The following RAP1GDS1 variants were observed in gnomAD, a reference collection of about 807,000 sequenced individuals.
RAP1GDS1 encodes Rap1 GTPase-GDP dissociation stimulator 1.
Under a neutral mutation model 71.1 loss-of-function variants are expected in RAP1GDS1, and 35 were observed. That is an observed-to-expected ratio of 0.49 (90% CI 0.38 to 0.65). RAP1GDS1 has a LOEUF of 0.65. Ranked by LOEUF, RAP1GDS1 falls within the 30% of genes least tolerant of loss-of-function variation. The pLI is 0.00. For synonymous variants in RAP1GDS1, 229 were observed against 243.1 expected (o/e 0.94, Z 0.54); for missense variants, 663 against 706.1 (o/e 0.94, Z 0.69).
chr4:98,397,807 G>A (rs1000289236), intron 6 of RAP1GDS1, among the ~76,000 whole-genome samples: 4 of 152,076 alleles, frequency 2.6e-5, no homozygotes, highest in African/African-American at 9.7e-5. Context: ...CTTGATGGAG[G>A]ATATGACACT....
chr4:98,262,218 A>G (rs1466757405), intron 1 of RAP1GDS1, among the ~76,000 whole-genome samples: 2 of 152,210 alleles, frequency 1.3e-5, no homozygotes, highest in Non-Finnish European at 2.9e-5. Flanking sequence ...CTGGGTGACT[A>G]CAGTGTGCAA....
At chr4:98,401,766 A>G (rs1745446137) in intron 6 of RAP1GDS1, among the ~76,000 whole-genome samples, 1 of 152,196 alleles carries the variant, frequency 6.6e-6, no homozygotes, top group Non-Finnish European at 1.5e-5. Context: ...ATTTTGTTCT[A>G]TAATTCCTAT....
chr4:98,392,203 TTGAGA>T, intron 6 of RAP1GDS1, 123 bp downstream of exon 6: 1 of 919,594 alleles, frequency 1.1e-6, no homozygotes, highest in East Asian at 2.9e-5. Context: ...TTTGAAGCAT[TTGAGA>T]TATTTCCATC....
chr4:98,406,511 C>G (rs1433634301), intron 7 of RAP1GDS1, among the ~76,000 whole-genome samples: 1 of 151,838 alleles, frequency 6.6e-6, no homozygotes, highest in Non-Finnish European at 1.5e-5. Flanking sequence ...TACATTATCC[C>G]AAAACATACG....
Position 98,404,611 on chromosome 4 carries a change from C to T in RAP1GDS1, c.763+9C>T, listed in dbSNP as rs773691705. The T allele has an allele frequency of 1.9e-6, 3 of 1,595,660 alleles. No individual in the cohort carries two copies. The highest frequency in any genetic ancestry group is 1.8e-5 in the Admixed American group (1 of 55,576). On this transcript the variant is annotated intron_variant, in intron 7 of 14. Transcript: ENST00000408927. ...TCCATTGGCAGAAAATGGTGAGAAA[C>T]TTAAATGCACCTTTGGATTTTTGAT... is the stretch of plus-strand genomic sequence containing the variant.
chr4:98,270,420 G>A (rs964488616), intron 1 of RAP1GDS1, among the ~76,000 whole-genome samples: 2 of 152,098 alleles, frequency 1.3e-5, no homozygotes, highest in African/African-American at 4.8e-5. Flanking sequence ...AAATGGTAAT[G>A]TATACTTGAG....
chr4:98,326,361 A>G (rs985140561), intron 2 of RAP1GDS1, among the ~76,000 whole-genome samples: 2 of 152,132 alleles, frequency 1.3e-5, no homozygotes, highest in Non-Finnish European at 2.9e-5. Flanking sequence ...TCAAATTTCT[A>G]CTTGGTCAGC....
chr4:98,305,750 T>C (rs1336406744), intron 2 of RAP1GDS1, among the ~76,000 whole-genome samples: 1 of 152,200 alleles, frequency 6.6e-6, no homozygotes, highest in Non-Finnish European at 1.5e-5. Flanking sequence ...TAAATCTCCA[T>C]TGGTATTTGT....
intron 4 of RAP1GDS1, among the ~76,000 whole-genome samples, chr4:98,368,802 A>G (rs1739916684): frequency 6.6e-6 from 1 of 152,150 alleles, no homozygotes. Flanking sequence ...CCCTATATTT[A>G]CCTATATAAA....
intron 2 of RAP1GDS1, among the ~76,000 whole-genome samples, chr4:98,310,878 AT>A (rs1372341617): frequency 1.3e-5 from 2 of 152,208 alleles, no homozygotes; most frequent in Non-Finnish European, 2.9e-5. Flanking sequence ...ACCTTTTTAA[AT>A]ATTGCTGCTA....
At chr4:98,365,055 C>T (rs1739280199) in intron 4 of RAP1GDS1, among the ~76,000 whole-genome samples, 1 of 151,960 alleles carries the variant, frequency 6.6e-6, no homozygotes, top group African/African-American at 2.4e-5. Context: ...TGTGAATAAA[C>T]ATTCTTTATT....
intron 6 of RAP1GDS1, among the ~76,000 whole-genome samples, chr4:98,399,783 A>C (rs1745103828): frequency 6.6e-6 from 1 of 152,148 alleles, no homozygotes; most frequent in East Asian, 1.9e-4. Flanking sequence ...AAAGTTAACA[A>C]ATCCTGGTGA....
chr4:98,426,643 C>G (rs1040311647), intron 12 of RAP1GDS1, among the ~76,000 whole-genome samples: 3 of 152,020 alleles, frequency 2.0e-5, no homozygotes, highest in African/African-American at 7.2e-5. Flanking sequence ...TGGAAAAATA[C>G]AACCTTGCTA....
chr4:98,314,514 A>G (rs1047109862), intron 2 of RAP1GDS1, among the ~76,000 whole-genome samples: 2 of 152,152 alleles, frequency 1.3e-5, no homozygotes, highest in East Asian at 1.9e-4. Flanking sequence ...TAGTATTCCC[A>G]TAGCAGTTTA....
At chr4:98,301,073 T>G (rs1022837578) in intron 2 of RAP1GDS1, among the ~76,000 whole-genome samples, 1 of 152,248 alleles carries the variant, frequency 6.6e-6, no homozygotes, top group African/African-American at 2.4e-5. Flanking sequence ...GAAAAATTAT[T>G]ATTTTATTCT....
rs1456520761 is a variant in RAP1GDS1 at position 98,366,281 on chromosome 4, C to T, written c.362-12736C>T. Among the ~76,000 whole-genome samples the T allele has an allele frequency of 4.6e-5, 7 of 152,272 alleles. No individual in the cohort carries two copies. In the East Asian group the frequency reaches 1.2e-3, roughly 25 times the overall value. On this transcript the variant is annotated intron_variant, in intron 4 of 14. Coordinates refer to ENST00000408927, the MANE Select transcript of RAP1GDS1 (RefSeq NM_001100427.2). ...GGGGGAGTTTTCGTGCACAAGCTCT[C>T]TTTGCCTGCTGCCATCCATTGAAGA...
chr4:98,312,965 A>T (rs959457795), intron 2 of RAP1GDS1, among the ~76,000 whole-genome samples: 6 of 145,688 alleles, frequency 4.1e-5, no homozygotes, highest in Admixed American at 3.5e-4. Context: ...GCTGCTCTGG[A>T]GACTGAGGCA....
chr4:98,414,978 A>G (rs968566329), intron 7 of RAP1GDS1, among the ~76,000 whole-genome samples: 23 of 152,062 alleles, frequency 1.5e-4, no homozygotes, highest in Non-Finnish European at 1.0e-4. Flanking sequence ...CTTTGAAGCA[A>G]TTGTGAATAG....
chr4:98,421,049 TTTG>T, intron 11 of RAP1GDS1, among the ~76,000 whole-genome samples: 1 of 152,320 alleles, frequency 6.6e-6, no homozygotes, highest in African/African-American at 2.4e-5. Flanking sequence ...TATGAAGTCA[TTTG>T]TTGTTGTATT....
Sources: gnomAD v4.1 joint callset for allele counts (sites outside exome capture counted in the v4.1 genomes callset) on GRCh38, gnomAD v4.1.1 for gene constraint, MANE v1.5 for transcripts, NCBI Gene and HGNC (gene_info 2026-07-23, HGNC 2026-07-21) for gene names.